Variants in CHRM3 observed in about 807,000 individuals in gnomAD.
The protein encoded by CHRM3 is muscarinic acetylcholine receptor M3.
A neutral mutation model predicts 41.8 loss-of-function variants in CHRM3; 11 were observed. The observed-to-expected ratio is 0.26, with a 90% CI of 0.17 to 0.44. The LOEUF (loss-of-function observed/expected upper bound fraction) is 0.44, where lower values mean the gene tolerates loss of function less well. Ranked by LOEUF, CHRM3 falls within the 20% of genes least tolerant of loss-of-function variation. CHRM3 has a pLI of 1.00. For missense variants in CHRM3, 571 were observed against 745.4 expected (o/e 0.77, Z 2.72); for synonymous variants, 297 against 301.4 (o/e 0.99, Z 0.15).
At chr1:239,501,368 A>G (rs941825179) in intron 2 of CHRM3, among the ~76,000 whole-genome samples, 2 of 152,238 alleles carry the variant, frequency 1.3e-5, no homozygotes, top group African/African-American at 4.8e-5. Flanking sequence ...GATAGACCAT[A>G]TGATAGGCTA....
chr1:239,638,829 G>A (rs1254707351), intron 4 of CHRM3, among the ~76,000 whole-genome samples: 1 of 152,070 alleles, frequency 6.6e-6, no homozygotes. Context: ...TAGACATGAA[G>A]TCCTTGCCCA....
At chr1:239,460,938 A>G (rs1191047723) in intron 1 of CHRM3, among the ~76,000 whole-genome samples, 3 of 152,340 alleles carry the variant, frequency 2.0e-5, no homozygotes, top group South Asian at 2.1e-4. Context: ...TGAAGTAATG[A>G]GTATCATCTG....
At chr1:239,717,334 A>G (rs1662482273) in intron 5 of CHRM3, among the ~76,000 whole-genome samples, 2 of 152,128 alleles carry the variant, frequency 1.3e-5, no homozygotes, top group Non-Finnish European at 2.9e-5. Context: ...AACAAGAGCC[A>G]TGCTGGACAT....
chr1:239,768,498 AT>A (rs113539517), intron 5 of CHRM3, among the ~76,000 whole-genome samples: 2 of 11,068 alleles, frequency 1.8e-4, no homozygotes, highest in African/African-American at 5.9e-4. Flanking sequence ...GAAAATAAAC[AT>A]GGTGAAAATT....
intron 2 of CHRM3, among the ~76,000 whole-genome samples, chr1:239,502,243 C>T (rs996340957): frequency 1.3e-5 from 2 of 151,936 alleles, no homozygotes; most frequent in Non-Finnish European, 2.9e-5. Flanking sequence ...AGAAATGAAA[C>T]AGGAAATATT....
intron 5 of CHRM3, among the ~76,000 whole-genome samples, chr1:239,712,147 A>G (rs1484751652): frequency 6.6e-6 from 1 of 152,198 alleles, no homozygotes; most frequent in African/African-American, 2.4e-5. Flanking sequence ...CATCTTTGTC[A>G]TGAGCATAGG....
chr1:239,621,067 A>G (rs1282872690), intron 3 of CHRM3, among the ~76,000 whole-genome samples: 2 of 152,268 alleles, frequency 1.3e-5, no homozygotes, highest in East Asian at 1.9e-4. Context: ...TCTGTGTCAC[A>G]TTTTGGTAAT....
chr1:239,607,364 TAA>T (rs922807895), intron 3 of CHRM3, among the ~76,000 whole-genome samples: 5 of 151,930 alleles, frequency 3.3e-5, no homozygotes, highest in African/African-American at 1.2e-4. Flanking sequence ...TTTTTAATGT[TAA>T]AAAAAAGAGT....
rs561737051 is a variant in CHRM3, at chr1:239,739,408, A to G, written c.-147+61120A>G. Among the ~76,000 whole-genome samples the G allele has an allele frequency of 3.3e-5, 5 of 152,324 alleles. No individual in the cohort carries two copies. In the South Asian group the frequency reaches 1.0e-3, roughly 32 times the overall value. On this transcript the variant is annotated intron_variant, in intron 5 of 6. Transcript: ENST00000676153. ...GTACCAATCAAAGCCAACTGCAGCA[A>G]TCTTTCACCATAACATTGCATAGCT... is the stretch of plus-strand genomic sequence containing the variant.
chr1:239,734,445 A>G (rs577707268), intron 5 of CHRM3, among the ~76,000 whole-genome samples: 2 of 152,224 alleles, frequency 1.3e-5, no homozygotes, highest in African/African-American at 4.8e-5. Context: ...TAATAATAAT[A>G]CAAGAAAATT....
At chr1:239,808,889 A>G (rs1029253542) in intron 5 of CHRM3, among the ~76,000 whole-genome samples, 1 of 152,184 alleles carries the variant, frequency 6.6e-6, no homozygotes, top group Non-Finnish European at 1.5e-5. Context: ...GCTTTTTCCT[A>G]CTTGTAAAGT....
At chr1:239,416,414 C>T (rs1437932235) in intron 1 of CHRM3, among the ~76,000 whole-genome samples, 2 of 151,590 alleles carry the variant, frequency 1.3e-5, no homozygotes, top group African/African-American at 2.4e-5. Context: ...ATATTTTATC[C>T]GTTTTCTCTT....
chr1:239,867,328 C>T (rs929490821), intron 6 of CHRM3, among the ~76,000 whole-genome samples: 2 of 152,166 alleles, frequency 1.3e-5, no homozygotes, highest in African/African-American at 4.8e-5. Flanking sequence ...TATTTGAAAA[C>T]TGAATCAGAT....
chr1:239,904,393 T>G (rs1343672191), intron 6 of CHRM3, among the ~76,000 whole-genome samples: 1 of 152,236 alleles, frequency 6.6e-6, no homozygotes, highest in Non-Finnish European at 1.5e-5. Context: ...ATAGTAGTTA[T>G]TAACCTCAGA....
intron 6 of CHRM3, among the ~76,000 whole-genome samples, chr1:239,905,377 C>T (rs1309241712): frequency 1.3e-5 from 2 of 152,144 alleles, no homozygotes; most frequent in Non-Finnish European, 2.9e-5. Context: ...TTAAATGTGT[C>T]TTCCTTTCTG....
intron 5 of CHRM3, among the ~76,000 whole-genome samples, chr1:239,746,271 T>C (rs1158060866): frequency 6.6e-6 from 1 of 152,246 alleles, no homozygotes; most frequent in Non-Finnish European, 1.5e-5. Context: ...TGTTAATAGA[T>C]ACTGAGTGTA....
At chr1:239,818,712 A>AC in intron 5 of CHRM3, among the ~76,000 whole-genome samples, 1 of 152,218 alleles carries the variant, frequency 6.6e-6, no homozygotes, top group East Asian at 1.9e-4. Flanking sequence ...ATTAGGCAAC[A>AC]CCTCATGCTA....
chr1:239,392,791 C>G (rs1659155072), intron 1 of CHRM3, among the ~76,000 whole-genome samples: 1 of 152,144 alleles, frequency 6.6e-6, no homozygotes, highest in Non-Finnish European at 1.5e-5. Context: ...CTGCTAACAG[C>G]CTTTGTCTAC....
At chr1:239,494,870 C>T (rs990912731) in intron 2 of CHRM3, among the ~76,000 whole-genome samples, 1 of 152,164 alleles carries the variant, frequency 6.6e-6, no homozygotes, top group Non-Finnish European at 1.5e-5. Flanking sequence ...CTGAAAAGGA[C>T]ATGACCTCAT....
Sources: gnomAD v4.1 joint callset for allele counts (sites outside exome capture counted in the v4.1 genomes callset) on GRCh38, gnomAD v4.1.1 for gene constraint, MANE v1.5 for transcripts, NCBI Gene and HGNC (gene_info 2026-07-23, HGNC 2026-07-21) for gene names.